Variants in SRRM4 observed in about 807,000 individuals in gnomAD.
SRRM4 encodes the protein serine/arginine repetitive matrix protein 4.
Under a neutral mutation model 68.9 loss-of-function variants are expected in SRRM4, and 33 were observed. The ratio of observed to expected loss-of-function variants is 0.48; its 90% CI spans 0.36 to 0.64. The LOEUF is 0.64. SRRM4 is among the 30% of genes least tolerant of loss of function. SRRM4 has a pLI of 0.00. For missense variants in SRRM4, 817 were observed against 827.1 expected (o/e 0.99, Z 0.15); for synonymous variants, 318 against 318.8 (o/e 1.00, Z 0.03).
intron 1 of SRRM4, among the ~76,000 whole-genome samples, chr12:119,074,491 G>T (rs1171544605): frequency 6.6e-6 from 1 of 152,140 alleles, no homozygotes; most frequent in Non-Finnish European, 1.5e-5. Flanking sequence ...CAGATGCAAA[G>T]ACAAGTATAT....
At chr12:119,108,073 C>T (rs913051226) in intron 2 of SRRM4, among the ~76,000 whole-genome samples, 1 of 152,230 alleles carries the variant, frequency 6.6e-6, no homozygotes, top group African/African-American at 2.4e-5. Context: ...TCGTTATGTA[C>T]CCAGTAGTCA....
chr12:119,006,927 T>A (rs1386507688), intron 1 of SRRM4, among the ~76,000 whole-genome samples: 1 of 152,242 alleles, frequency 6.6e-6, no homozygotes, highest in African/African-American at 2.4e-5. Context: ...TGCTCCGAGC[T>A]GTGTGGGCTG....
intron 8 of SRRM4, among the ~76,000 whole-genome samples, chr12:119,134,308 C>G (rs2136059673): frequency 6.7e-6 from 1 of 149,122 alleles, no homozygotes; most frequent in South Asian, 2.1e-4. Context: ...GATCCCAAGA[C>G]AGTTTACCTC....
At position 119,161,787 on chromosome 12, in the gene SRRM4, A is replaced by G. The variant is rs971004314; in HGVS notation, c.*4989A>G. On this transcript the variant is annotated 3_prime_UTR_variant, in exon 13 of 13. Coordinates refer to ENST00000267260, the MANE Select transcript of SRRM4 (RefSeq NM_194286.4). ...AATTAGACTCAAATGGAACTAAAAC[A>G]CTGGTTATCTCCAGGAAAACCTCAT... 1 of 152,646 alleles carries G rather than the reference A, an allele frequency of 6.6e-6. No individual in the cohort carries two copies. The highest frequency in any genetic ancestry group is 2.4e-5 in the African/African-American group (1 of 41,458). The allele number at this position is 152,646 out of a possible 1,614,324, so 9.5% of individuals were successfully genotyped here.
At chr12:119,091,811 T>A (rs1954016095) in intron 1 of SRRM4, among the ~76,000 whole-genome samples, 1 of 152,132 alleles carries the variant, frequency 6.6e-6, no homozygotes, top group Admixed American at 6.5e-5. Context: ...TGAGCACACA[T>A]GCCTTTCCCC....
At chr12:119,061,211 T>C (rs1417668230) in intron 1 of SRRM4, among the ~76,000 whole-genome samples, 1 of 152,208 alleles carries the variant, frequency 6.6e-6, no homozygotes, top group African/African-American at 2.4e-5. Flanking sequence ...TTCTTCAAGA[T>C]GGACTCAAAA....
rs1368099584 is a variant in SRRM4, at chr12:119,130,741, C to T, written c.678C>T (p.Ser226=). Residue 226 remains serine, a synonymous_variant, in exon 8 of 13, where the codon TCC becomes TCT. Coordinates refer to ENST00000267260, the MANE Select transcript of SRRM4 (RefSeq NM_194286.4). ...GCCGAAGGCACTCCCGCCGCTGCTCCAAGACCCTCTGCAAGGACAGCCCTG... is the reference window on the plus strand; with the variant it reads ...GCCGAAGGCACTCCCGCCGCTGCTCTAAGACCCTCTGCAAGGACAGCCCTG... The part of the protein sequence containing the change: ...KSRRRHSRRC[S]KTLCKDSPEA... The T allele has an allele frequency of 6.2e-7, 1 of 1,611,518 alleles. No homozygotes were observed. The highest frequency in any genetic ancestry group is 1.1e-5 in the South Asian group (1 of 91,050).
At chr12:119,114,721 C>T in intron 3 of SRRM4, among the ~76,000 whole-genome samples, 1 of 135,942 alleles carries the variant, frequency 7.4e-6, no homozygotes, top group Admixed American at 8.4e-5. Context: ...CTGGAGTGCA[C>T]TGGCATGATC....
intron 1 of SRRM4, among the ~76,000 whole-genome samples, chr12:119,054,049 C>T (rs772891562): frequency 1.3e-5 from 2 of 152,176 alleles, no homozygotes; most frequent in Non-Finnish European, 2.9e-5. Context: ...CTACCTTTCC[C>T]ATCTGCTGGT....
chr12:119,147,048 T>G lies in SRRM4; in HGVS notation c.1076+1363T>G, dbSNP rs148949127. ...AGCTTTATTTGTAATTGCTAAAACT[T>G]GGAAGCAACCAGAATATCCTTCAGT... is the stretch of plus-strand genomic sequence containing the variant. On this transcript the variant is annotated intron_variant, in intron 9 of 12. Coordinates refer to ENST00000267260, the MANE Select transcript of SRRM4 (RefSeq NM_194286.4). 1.0e-3 allele frequency among the ~76,000 whole-genome samples: 156 copies of G among 152,322 alleles called. 1 individual carries two copies. Among genetic ancestry groups the G allele is most frequent in the African/African-American group, 3.1e-3 (128 of 41,582 alleles).
At chr12:119,090,775 C>T (rs34248909) in intron 1 of SRRM4, among the ~76,000 whole-genome samples, 31,853 of 152,080 alleles carry the variant, frequency 0.21, 4,065 homozygotes, top group South Asian at 0.28. Flanking sequence ...GGACTCAATG[C>T]TCCCCAAAGG....
At position 118,994,256 on chromosome 12, in the gene SRRM4, C is replaced by G. The variant is rs1252070475; in HGVS notation, c.131+12243C>G. On this transcript the variant is annotated intron_variant, in intron 1 of 12. Transcript: ENST00000267260. The stretch of plus-strand genomic sequence containing the variant: ...GAACACTGGCTGTTCCACCTTGGCT[C>G]TATAGCATTTATGTCCTATTAACAA... 2.0e-5 allele frequency: 3 copies of G among 152,216 alleles called. No individual in the cohort carries two copies. The East Asian group carries it at 5.8e-4, about 29-fold the overall frequency. 9.4% of individuals were successfully genotyped at this position (152,216 alleles called of 1,614,324 possible).
intron 1 of SRRM4, among the ~76,000 whole-genome samples, chr12:119,074,070 T>C (rs1412311515): frequency 6.9e-6 from 1 of 145,450 alleles, no homozygotes. Context: ...AATAATGCTG[T>C]TGCCAATGGT....
chr12:119,008,544 A>T (rs1489474816), intron 1 of SRRM4, among the ~76,000 whole-genome samples: 1 of 152,156 alleles, frequency 6.6e-6, no homozygotes, highest in Non-Finnish European at 1.5e-5. Context: ...ACACCTAACC[A>T]TGTTGGAGCT....
intron 2 of SRRM4, among the ~76,000 whole-genome samples, chr12:119,112,091 T>C (rs1332108554): frequency 6.6e-6 from 1 of 152,182 alleles, no homozygotes; most frequent in Non-Finnish European, 1.5e-5. Flanking sequence ...CCATCCTGTT[T>C]ACACAAGCAT....
intron 7 of SRRM4, among the ~76,000 whole-genome samples, chr12:119,126,311 A>G (rs1954259826): frequency 6.6e-6 from 1 of 152,022 alleles, no homozygotes; most frequent in Admixed American, 6.5e-5. Context: ...GGTGTGAGCC[A>G]CCGCCCCCAG....
At chr12:119,016,120 A>C (rs1953479439) in intron 1 of SRRM4, among the ~76,000 whole-genome samples, 1 of 152,190 alleles carries the variant, frequency 6.6e-6, no homozygotes, top group Non-Finnish European at 1.5e-5. Context: ...CAGAGGTTGG[A>C]ATGATGCTGC....
At chr12:118,982,147 G>C in intron 1 of SRRM4, 134 bp downstream of exon 1, 1 of 1,129,642 alleles carries the variant, frequency 8.9e-7, no homozygotes, top group Non-Finnish European at 1.2e-6. Flanking sequence ...GGCGGCTCCC[G>C]CTGAAACATG....
At chr12:119,100,945 A>G (rs1329482815) in intron 1 of SRRM4, among the ~76,000 whole-genome samples, 2 of 152,218 alleles carry the variant, frequency 1.3e-5, no homozygotes, top group African/African-American at 4.8e-5. Context: ...CAGGGCTTGC[A>G]GTATCTACCA....
Sources: allele counts gnomAD v4.1 joint callset (sites outside exome capture counted in the v4.1 genomes callset), GRCh38; gene constraint gnomAD v4.1.1; transcripts MANE v1.5; gene names NCBI Gene and HGNC (gene_info 2026-07-23, HGNC 2026-07-21).